The following PPP3CA variants were observed in gnomAD, a reference collection of about 807,000 sequenced individuals.
PPP3CA encodes the protein CAM-PRP catalytic subunit.
In PPP3CA, 14 loss-of-function variants were observed where a neutral mutation model predicts 66.5. That is an observed-to-expected ratio of 0.21 (90% CI 0.14 to 0.33). The LOEUF is 0.33. Ranked by LOEUF, PPP3CA falls within the 10% of genes least tolerant of loss-of-function variation. The pLI, the probability that PPP3CA is intolerant of heterozygous loss-of-function variation, is 1.00. For synonymous variants in PPP3CA, 232 were observed against 226.2 expected (o/e 1.03, Z -0.23); for missense variants, 317 against 639.5 (o/e 0.50, Z 5.44).
In PPP3CA at chr4:101,302,994, T is replaced by C. The variant is rs3804429; in HGVS notation, c.58+43745A>G. Among the ~76,000 whole-genome samples the C allele has an allele frequency of 5.8e-4, 89 of 152,346 alleles. No homozygotes were observed. In the East Asian group the frequency reaches 0.016, roughly 27 times the overall value. The stretch of plus-strand genomic sequence containing the variant: ...CCATTAAATTTAGTTTTGAGTATCA[T>C]TCAAAGCTATATTCTACTTCAAAAT... On this transcript the variant is annotated intron_variant, in intron 1 of 13. Transcript: ENST00000394854.
At chr4:101,166,576 T>C (rs1465071460) in intron 2 of PPP3CA, among the ~76,000 whole-genome samples, 1 of 152,208 alleles carries the variant, frequency 6.6e-6, no homozygotes, top group Non-Finnish European at 1.5e-5. Context: ...GCTTAGGTCA[T>C]GTTTGCAAGT....
intron 10 of PPP3CA, among the ~76,000 whole-genome samples, chr4:101,057,024 T>TTATACTG (rs1443624134): frequency 6.6e-6 from 1 of 152,102 alleles, no homozygotes; most frequent in Non-Finnish European, 1.5e-5. Context: ...TCCTGATTGC[T>TTATACTG]TATACTGAAA....
At chr4:101,269,977 T>C (rs1474013295) in intron 1 of PPP3CA, among the ~76,000 whole-genome samples, 1 of 152,138 alleles carries the variant, frequency 6.6e-6, no homozygotes, top group Non-Finnish European at 1.5e-5. Context: ...GAGGATTTCA[T>C]TAAATGTTAG....
At chr4:101,294,821 T>C (rs1728145043) in intron 1 of PPP3CA, among the ~76,000 whole-genome samples, 1 of 151,422 alleles carries the variant, frequency 6.6e-6, no homozygotes, top group Non-Finnish European at 1.5e-5. Flanking sequence ...GAAAAATAAC[T>C]ACAGACATTG....
At chr4:101,040,932 A>G (rs1228144042) in intron 10 of PPP3CA, among the ~76,000 whole-genome samples, 5 of 152,180 alleles carry the variant, frequency 3.3e-5, no homozygotes, top group African/African-American at 1.2e-4. Context: ...GGAAGAGTTA[A>G]GTACCTTATC....
At chr4:101,042,287 T>C (rs966894177) in intron 10 of PPP3CA, among the ~76,000 whole-genome samples, 30 of 149,748 alleles carry the variant, frequency 2.0e-4, no homozygotes, top group African/African-American at 7.4e-4. Context: ...ACCCATCTCA[T>C]AGGTGCATGG....
At position 101,040,667 on chromosome 4, in the gene PPP3CA, TA is replaced by T. The variant is rs1388284166; in HGVS notation, c.1157-102del. 12 of 913,568 alleles carry T rather than the reference TA, an allele frequency of 1.3e-5. No individual in the cohort carries two copies. The African/African-American group carries it at 1.9e-4, about 15-fold the overall frequency. The allele number at this position is 913,568 out of a possible 1,614,324, so 56.6% of individuals were successfully genotyped here. A position where few individuals can be genotyped will look rare whatever the true frequency, so the allele number is the denominator to read the frequency against. ...AACAGACTCCAGTAAGCAAAATCAG[TA>T]TTTTTTTTTTTTCCCCCTTAAGAGG... On this transcript the variant is annotated intron_variant, in intron 10 of 13. Transcript: ENST00000394854.
At chr4:101,140,887 T>C (rs1722786434) in intron 2 of PPP3CA, among the ~76,000 whole-genome samples, 1 of 152,194 alleles carries the variant, frequency 6.6e-6, no homozygotes, top group Non-Finnish European at 1.5e-5. Context: ...TTTAGTATTC[T>C]ACCCACATAA....
At chr4:101,042,803 CTTT>C (rs534973228) in intron 10 of PPP3CA, among the ~76,000 whole-genome samples, 5 of 117,676 alleles carry the variant, frequency 4.2e-5, no homozygotes, top group Non-Finnish European at 5.7e-5. Context: ...AAGACTTTTT[CTTT>C]TTTTTTTTTT....
chr4:101,305,187 T>C (rs535979853), intron 1 of PPP3CA, among the ~76,000 whole-genome samples: 1 of 152,360 alleles, frequency 6.6e-6, no homozygotes, highest in African/African-American at 2.4e-5. Context: ...TGGTTTGGAA[T>C]GGCTCAAAAT....
intron 2 of PPP3CA, among the ~76,000 whole-genome samples, chr4:101,177,536 T>A (rs1208196942): frequency 6.6e-6 from 1 of 152,092 alleles, no homozygotes; most frequent in East Asian, 1.9e-4. Flanking sequence ...ATTATTGTAG[T>A]TCAGTAATGT....
chr4:101,319,935 A>G (rs1728989010), intron 1 of PPP3CA, among the ~76,000 whole-genome samples: 1 of 152,136 alleles, frequency 6.6e-6, no homozygotes, highest in East Asian at 1.9e-4. Context: ...TTTCATCTCA[A>G]AGATAGCACC....
intron 1 of PPP3CA, among the ~76,000 whole-genome samples, chr4:101,283,656 G>T (rs983858214): frequency 2.6e-5 from 4 of 152,116 alleles, no homozygotes; most frequent in African/African-American, 9.7e-5. Flanking sequence ...ACTCTGGCAG[G>T]TACGCAATCA....
intron 5 of PPP3CA, among the ~76,000 whole-genome samples, chr4:101,097,477 T>C (rs887964880): frequency 6.6e-6 from 1 of 152,116 alleles, no homozygotes; most frequent in Admixed American, 6.6e-5. Context: ...CAATAACATA[T>C]GTTATAAATA....
At chr4:101,260,198 A>G (rs1385407237) in intron 1 of PPP3CA, among the ~76,000 whole-genome samples, 1 of 152,184 alleles carries the variant, frequency 6.6e-6, no homozygotes, top group Admixed American at 6.6e-5. Flanking sequence ...TCTTGGCATC[A>G]CAGGATTTCA....
chr4:101,079,025 A>C (rs1378930340), intron 8 of PPP3CA, among the ~76,000 whole-genome samples: 1 of 152,190 alleles, frequency 6.6e-6, no homozygotes, highest in Non-Finnish European at 1.5e-5. Context: ...ATAGAGGAGG[A>C]CCCACTATGG....
chr4:101,306,715 T>G (rs558194864), intron 1 of PPP3CA, among the ~76,000 whole-genome samples: 3 of 152,222 alleles, frequency 2.0e-5, no homozygotes, highest in Non-Finnish European at 4.4e-5. Flanking sequence ...TCTGACTTAC[T>G]GTAATTCTGA....
chr4:101,331,145 T>C (rs1414060298), intron 1 of PPP3CA, among the ~76,000 whole-genome samples: 1 of 152,194 alleles, frequency 6.6e-6, no homozygotes, highest in African/African-American at 2.4e-5. Flanking sequence ...CCATCTAATA[T>C]ATTTGGCCTC....
At chr4:101,189,173 G>C (rs1159312796) in intron 2 of PPP3CA, among the ~76,000 whole-genome samples, 2 of 151,864 alleles carry the variant, frequency 1.3e-5, no homozygotes, top group East Asian at 3.9e-4. Context: ...TATGTAAATG[G>C]TTACACTAAC....
Sources: gnomAD v4.1 joint callset for allele counts (sites outside exome capture counted in the v4.1 genomes callset) on GRCh38, gnomAD v4.1.1 for gene constraint, MANE v1.5 for transcripts, NCBI Gene and HGNC (gene_info 2026-07-23, HGNC 2026-07-21) for gene names.